VAV2: variants seen among roughly 807,000 people sequenced by gnomAD.
The protein encoded by VAV2 is guanine nucleotide exchange factor VAV2.
A neutral mutation model predicts 132.5 loss-of-function variants in VAV2; 67 were observed. The ratio of observed to expected loss-of-function variants is 0.51; its 90% CI spans 0.42 to 0.62. The LOEUF (loss-of-function observed/expected upper bound fraction) is 0.62, where lower values mean the gene tolerates loss of function less well. Ranked by LOEUF, VAV2 falls within the 20% of genes least tolerant of loss-of-function variation. The probability of loss-of-function intolerance (pLI) is 0.00; values close to 1 mark genes in which losing one functional copy is unlikely to be tolerated. For missense variants in VAV2, 938 were observed against 1,153.6 expected (o/e 0.81, Z 2.71); for synonymous variants, 492 against 443.5 (o/e 1.11, Z -1.37).
intron 27 of VAV2, 68 bp downstream of exon 27, chr9:133,770,309 GC>G: frequency 6.2e-7 from 1 of 1,603,750 alleles, no homozygotes; most frequent in Non-Finnish European, 8.5e-7. Flanking sequence ...CAGGATCTGA[GC>G]CCTGGGAAGT....
At chr9:133,818,239 A>T (rs559628226) in intron 4 of VAV2, among the ~76,000 whole-genome samples, 2 of 152,034 alleles carry the variant, frequency 1.3e-5, no homozygotes, top group African/African-American at 4.8e-5. Flanking sequence ...GGTGGCGGGC[A>T]CCTGAAGTCC....
chr9:133,842,984 A>C (rs1278328930), intron 3 of VAV2, among the ~76,000 whole-genome samples: 1 of 152,200 alleles, frequency 6.6e-6, no homozygotes, highest in African/African-American at 2.4e-5. Flanking sequence ...GAGGCCTTGA[A>C]GCACCAGGGC....
chr9:133,949,870 C>T (rs971210301), intron 1 of VAV2, among the ~76,000 whole-genome samples: 1 of 152,256 alleles, frequency 6.6e-6, no homozygotes, highest in East Asian at 1.9e-4. Context: ...GCCCCCGACC[C>T]GGGCGTCTCC....
intron 2 of VAV2, among the ~76,000 whole-genome samples, chr9:133,897,287 C>T (rs1350552058): frequency 1.3e-5 from 2 of 152,158 alleles, no homozygotes; most frequent in African/African-American, 4.8e-5. Context: ...GTGGCAGAGG[C>T]GTCCAGGCGG....
chr9:133,798,353 G>A (rs1834803888), intron 9 of VAV2, among the ~76,000 whole-genome samples: 1 of 152,322 alleles, frequency 6.6e-6, no homozygotes, highest in African/African-American at 2.4e-5. Context: ...CCCGTCTTCA[G>A]GGATGCAGGC....
intron 1 of VAV2, 196 bp from the exon 2 acceptor site, chr9:133,939,415 C>T: frequency 1.6e-6 from 1 of 613,948 alleles, no homozygotes; most frequent in Non-Finnish European, 2.9e-6. Context: ...GGTGAGAAGC[C>T]AGGCCTGGAT....
At chr9:133,968,831 C>A (rs560555623) in intron 1 of VAV2, among the ~76,000 whole-genome samples, 31 of 152,334 alleles carry the variant, frequency 2.0e-4, no homozygotes, top group African/African-American at 7.0e-4. Flanking sequence ...AGACCCCCGG[C>A]TGGCTGGCTC....
At chr9:133,955,939 TGCTGGAGGCCCCC>T (rs967094580) in intron 1 of VAV2, among the ~76,000 whole-genome samples, 1 of 150,328 alleles carries the variant, frequency 6.7e-6, no homozygotes, top group African/African-American at 2.5e-5. Flanking sequence ...GCACGGCCCC[TGCTGGAGGCCCCC>T]GCTCCGGGGA....
At chr9:133,975,716 T>G (rs1423553367) in intron 1 of VAV2, among the ~76,000 whole-genome samples, 4 of 152,224 alleles carry the variant, frequency 2.6e-5, no homozygotes, top group Non-Finnish European at 2.9e-5. Flanking sequence ...AGAGGCACAG[T>G]GCCCTGGGTC....
intron 2 of VAV2, among the ~76,000 whole-genome samples, chr9:133,900,206 C>A (rs7874428): frequency 0.15 from 22,715 of 151,444 alleles, 1,850 homozygotes; most frequent in South Asian, 0.2. Context: ...CTCAAAAAAA[C>A]CAAAGAAGAA....
At chr9:133,940,892 A>G (rs1841122661) in intron 1 of VAV2, among the ~76,000 whole-genome samples, 1 of 151,692 alleles carries the variant, frequency 6.6e-6, no homozygotes, top group African/African-American at 2.4e-5. Context: ...TCCCTAATAT[A>G]TAAAGGACAA....
Position 133,807,388 on chromosome 9 carries a change from G to A in VAV2, c.667-62C>T. On this transcript the variant is annotated intron_variant, in intron 7 of 29. Transcript: ENST00000371850. ...TGTTGCCCACCCTCTCAAGGTCACA[G>A]CTGCCAGGGGAGGGTCCCAGGGCAG... 2.6e-6 allele frequency: 4 copies of A among 1,512,806 alleles called. No individual in the cohort carries two copies. The South Asian group carries it at 5.1e-5, about 19-fold the overall frequency. The allele number at this position is 1,512,806 out of a possible 1,614,324, so 93.7% of individuals were successfully genotyped here.
chr9:133,785,857 A>G lies in VAV2; in HGVS notation c.1451T>C (p.Leu484Pro), dbSNP rs1403666390. The G allele has an allele frequency of 3.1e-6, 5 of 1,613,776 alleles. No homozygotes were observed. Among genetic ancestry groups the G allele is most frequent in the Non-Finnish European group, 4.2e-6 (5 of 1,179,958 alleles). The change falls in exon 17 of 30, where the codon CTT (leucine) becomes CCT (proline). Residue 484 changes from leucine to proline, a missense_variant. Leu to Pro is a moderately conservative substitution (Grantham distance 98). Coordinates refer to ENST00000371850, the MANE Select transcript of VAV2 (RefSeq NM_001134398.2). ...MWSYGFYLIH[L>P]QGKQGFQFFC... ...AAACTGGAAGCCCTGCTTTCCTTGA[A>G]GGTGAATTAGGTAGAAGCCGTAGGA...
At position 133,884,083 on chromosome 9, in the gene VAV2, C is replaced by T. The variant is rs989676756; in HGVS notation, c.322-22651G>A. On this transcript the variant is annotated intron_variant, in intron 2 of 29. Coordinates refer to ENST00000371850, the MANE Select transcript of VAV2 (RefSeq NM_001134398.2). The surrounding 1 kb of genome is among the most constrained non-coding windows in gnomAD (Gnocchi z 5.3). ...CCGGGAGGCGGAGGTTGCAGCGAGG[C>T]GGAGGTTGCAGTGAGCTGAGATTGC... Among the ~76,000 whole-genome samples, 1 of 150,976 alleles carries T rather than the reference C, an allele frequency of 6.6e-6. No individual in the cohort carries two copies. The highest frequency in any genetic ancestry group is 2.5e-5 in the African/African-American group (1 of 40,536).
intron 3 of VAV2, among the ~76,000 whole-genome samples, chr9:133,837,378 A>C (rs1005170283): frequency 5.3e-5 from 8 of 152,162 alleles, no homozygotes; most frequent in Non-Finnish European, 8.8e-5. Flanking sequence ...GTGCCCACTA[A>C]AATAAGGCAC....
chr9:133,763,972 C>A lies in VAV2; in HGVS notation c.*90G>T. On this transcript the variant is annotated 3_prime_UTR_variant, in exon 30 of 30. Transcript: ENST00000371850. This position sits in a 1 kb window ranked among gnomAD's most constrained non-coding sequence, Gnocchi z 6.8. ...TGGAAGACTGGGAGGTTGGTATTTCCCCTCTGAGTCACAGAGGAGCTAGAG... is the reference window on the plus strand; with the variant it reads ...TGGAAGACTGGGAGGTTGGTATTTCACCTCTGAGTCACAGAGGAGCTAGAG... 1 of 1,470,976 alleles carries A rather than the reference C, an allele frequency of 6.8e-7. No individual in the cohort carries two copies. Among genetic ancestry groups the A allele is most frequent in the Non-Finnish European group, 9.5e-7 (1 of 1,052,082 alleles). The allele number at this position is 1,470,976 out of a possible 1,614,324, so 91.1% of individuals were successfully genotyped here.
intron 25 of VAV2, among the ~76,000 whole-genome samples, chr9:133,774,147 G>C (rs1357496694): frequency 6.6e-6 from 1 of 152,240 alleles, no homozygotes; most frequent in Non-Finnish European, 1.5e-5. Flanking sequence ...TTAACATCTG[G>C]AAATCAGCTA....
At chr9:133,803,490 C>T (rs1168798320) in intron 9 of VAV2, among the ~76,000 whole-genome samples, 3 of 152,278 alleles carry the variant, frequency 2.0e-5, no homozygotes, top group Middle Eastern at 3.4e-3. Context: ...AAAAACCACA[C>T]GGCTTTGTCT....
At chr9:133,906,779 G>A (rs1839671301) in intron 2 of VAV2, among the ~76,000 whole-genome samples, 1 of 152,216 alleles carries the variant, frequency 6.6e-6, no homozygotes, top group Non-Finnish European at 1.5e-5. Context: ...GGGGGCAGCG[G>A]GGTCCCTGCG....
Sources: gnomAD v4.1 joint callset for allele counts (sites outside exome capture counted in the v4.1 genomes callset) on GRCh38, gnomAD v4.1.1 for gene constraint, Gnocchi (gnomAD v3.1) non-coding constraint, MANE v1.5 for transcripts, NCBI Gene and HGNC (gene_info 2026-07-23, HGNC 2026-07-21) for gene names.